The following AFF2 variants were observed in gnomAD, a reference collection of about 807,000 sequenced individuals.
AFF2 encodes ALF transcription elongation factor 2, also known as AF4/FMR2 family member 2.
A neutral mutation model predicts 76.9 loss-of-function variants in AFF2; 14 were observed. The ratio of observed to expected loss-of-function variants is 0.18; its 90% CI spans 0.12 to 0.28. The LOEUF is 0.28. Among genes scored for constraint, AFF2 ranks in the 10% least tolerant of loss-of-function variants. The pLI is 1.00. For synonymous variants in AFF2, 398 were observed against 366.7 expected (o/e 1.09, Z -0.98); for missense variants, 868 against 1,001.1 (o/e 0.87, Z 1.79).
At chrX:148,799,589 C>T (rs1029699627) in intron 3 of AFF2, among the ~76,000 whole-genome samples, 9 of 112,090 alleles carry the variant, frequency 8.0e-5, no homozygotes, top group Non-Finnish European at 1.7e-4. Context: ...AAACACATTT[C>T]ACAGCAGGCA....
At chrX:148,701,421 G>A (rs2054798310) in intron 3 of AFF2, among the ~76,000 whole-genome samples, 1 of 111,177 alleles carries the variant, frequency 9.0e-6, no homozygotes, top group Admixed American at 9.6e-5. Flanking sequence ...AGAAAAATAT[G>A]TTCATTGTTC....
At chrX:148,853,395 T>C (rs372804474) in intron 7 of AFF2, among the ~76,000 whole-genome samples, 1 of 111,537 alleles carries the variant, frequency 9.0e-6, no homozygotes, top group Non-Finnish European at 1.9e-5. Context: ...CACTCCCCTG[T>C]CATGTGACTT....
At chrX:148,694,182 G>C (rs982812995) in intron 3 of AFF2, among the ~76,000 whole-genome samples, 11 of 102,461 alleles carry the variant, frequency 1.1e-4, no homozygotes, top group African/African-American at 3.6e-4. Flanking sequence ...GGTCGGGGGG[G>C]GGGAGGGATA....
At chrX:148,827,542 G>A (rs2070402736) in intron 4 of AFF2, among the ~76,000 whole-genome samples, 1 of 111,855 alleles carries the variant, frequency 8.9e-6, no homozygotes, top group African/African-American at 3.2e-5. Flanking sequence ...CTTTCTAAAG[G>A]ACTGCTGTGT....
chrX:148,541,260 C>A (rs1425143898), intron 1 of AFF2, among the ~76,000 whole-genome samples: 1 of 112,386 alleles, frequency 8.9e-6, no homozygotes, highest in Non-Finnish European at 1.9e-5. Flanking sequence ...GTTAACGTTT[C>A]ATTACCAGTA....
chrX:148,706,207 C>T (rs2054882617), intron 3 of AFF2, among the ~76,000 whole-genome samples: 1 of 112,184 alleles, frequency 8.9e-6, no homozygotes, highest in Non-Finnish European at 1.9e-5. Context: ...ATTGCATTTT[C>T]AGAGGTGAGT....
At chrX:148,936,091 A>C (rs1429680100) in intron 9 of AFF2, among the ~76,000 whole-genome samples, 1 of 111,462 alleles carries the variant, frequency 9.0e-6, no homozygotes, top group Non-Finnish European at 1.9e-5. Context: ...TTAAAAGTAC[A>C]TAAGGTCTGT....
chrX:148,836,601 A>G (rs1381283719), intron 4 of AFF2, among the ~76,000 whole-genome samples: 1 of 110,473 alleles, frequency 9.1e-6, no homozygotes, highest in Non-Finnish European at 1.9e-5. Flanking sequence ...TTTTTTTTTA[A>G]TGCTTAATGG....
In AFF2 at chrX:148,985,873, T is replaced by C. The variant is rs782449915; in HGVS notation, c.3624-1494T>C. On this transcript the variant is annotated intron_variant, in intron 19 of 20. Transcript: ENST00000370460. ...AGACCAGAACATACCAGAAAATAGA[T>C]GGTTTGCAGAAATGGTCCAACTCTG... Among the ~76,000 whole-genome samples, 6 of 110,713 alleles carry C rather than the reference T, an allele frequency of 5.4e-5. 1 individual carries two copies. The highest frequency in any genetic ancestry group is 1.1e-4 in the Non-Finnish European group (6 of 52,889).
At chrX:148,853,298 A>C (rs368568650) in intron 7 of AFF2, among the ~76,000 whole-genome samples, 118 of 111,351 alleles carry the variant, frequency 1.1e-3, no homozygotes, top group African/African-American at 3.2e-3. Flanking sequence ...TTCTGGAGCA[A>C]GGAGACAGGG....
chrX:148,893,092 G>A (rs1557279952), intron 8 of AFF2, among the ~76,000 whole-genome samples: 1 of 112,320 alleles, frequency 8.9e-6, no homozygotes, highest in East Asian at 2.8e-4. Context: ...GTTACAGAAT[G>A]TAGCTGAATA....
At chrX:148,970,089 C>T (rs888483454) in intron 15 of AFF2, among the ~76,000 whole-genome samples, 1 of 111,540 alleles carries the variant, frequency 9.0e-6, no homozygotes, top group Non-Finnish European at 1.9e-5. Context: ...AATGGGAGAG[C>T]CAGTGGAGCC....
At position 148,734,755 on chromosome X, in the gene AFF2, A is replaced by G. The variant is rs782473379; in HGVS notation, c.1041+71987A>G. On this transcript the variant is annotated intron_variant, in intron 3 of 20. Coordinates refer to ENST00000370460, the MANE Select transcript of AFF2 (RefSeq NM_002025.4). ...GGCAGTGAAACCCAATGTCTACTAA[A>G]TGGTTCTTTATAAACATGTTTTTTC... 7.9e-4 allele frequency among the ~76,000 whole-genome samples: 89 copies of G among 112,129 alleles called. 1 individual carries two copies. Among genetic ancestry groups the G allele is most frequent in the African/African-American group, 2.7e-3 (85 of 30,913 alleles).
At chrX:148,584,712 A>G (rs1000295069) in intron 1 of AFF2, among the ~76,000 whole-genome samples, 58 of 109,461 alleles carry the variant, frequency 5.3e-4, no homozygotes, top group Non-Finnish European at 7.6e-4. Flanking sequence ...CATTTTTTGT[A>G]TTTTTAGTAG....
Position 148,803,057 on chromosome X carries a change from T to C in AFF2, c.1042-6819T>C, listed in dbSNP as rs182915867. 1.2e-4 allele frequency among the ~76,000 whole-genome samples: 13 copies of C among 111,485 alleles called. No individual in the cohort carries two copies. The East Asian group carries it at 3.4e-3, about 29-fold the overall frequency. On this transcript the variant is annotated intron_variant, in intron 3 of 20. Coordinates refer to ENST00000370460, the MANE Select transcript of AFF2 (RefSeq NM_002025.4). ...TTAAGTGGAATCTAGATTTTGATCC[T>C]AAATGGTCTTTGGTTGCAGTACTAG...
At chrX:148,785,151 A>T (rs1557269409) in intron 3 of AFF2, among the ~76,000 whole-genome samples, 1 of 112,303 alleles carries the variant, frequency 8.9e-6, no homozygotes, top group African/African-American at 3.2e-5. Context: ...ACACAGAGTC[A>T]CACAGAAACT....
At chrX:148,979,685 C>T (rs782510847) in intron 18 of AFF2, among the ~76,000 whole-genome samples, 1 of 112,246 alleles carries the variant, frequency 8.9e-6, no homozygotes, top group Non-Finnish European at 1.9e-5. Context: ...GGCCTACCCT[C>T]TATAGTTTAC....
At chrX:148,889,737 A>G (rs1214615125) in intron 8 of AFF2, among the ~76,000 whole-genome samples, 1 of 111,687 alleles carries the variant, frequency 9.0e-6, no homozygotes, top group Non-Finnish European at 1.9e-5. Context: ...AGCGTGTGAG[A>G]GTATAGCTGT....
At chrX:148,932,710 G>A (rs2071728399) in intron 9 of AFF2, among the ~76,000 whole-genome samples, 1 of 112,322 alleles carries the variant, frequency 8.9e-6, no homozygotes. Flanking sequence ...TCAATAAATA[G>A]GTTCTTTTGT....
Sources: allele counts gnomAD v4.1 joint callset (sites outside exome capture counted in the v4.1 genomes callset), GRCh38; gene constraint gnomAD v4.1.1; transcripts MANE v1.5; gene names NCBI Gene and HGNC (gene_info 2026-07-23, HGNC 2026-07-21).